The following DNAH7 variants were observed in gnomAD, a reference collection of about 807,000 sequenced individuals.
DNAH7 encodes axonemal beta dynein heavy chain 7.
In DNAH7, 397 loss-of-function variants were observed where a neutral mutation model predicts 444.6. The ratio of observed to expected loss-of-function variants is 0.89; its 90% CI spans 0.82 to 0.97. The LOEUF (loss-of-function observed/expected upper bound fraction) is 0.97, where lower values mean the gene tolerates loss of function less well. Ranked by LOEUF, DNAH7 falls within the 50% of genes least tolerant of loss-of-function variation. The probability of loss-of-function intolerance (pLI) is 0.00; values close to 1 mark genes in which losing one functional copy is unlikely to be tolerated. For synonymous variants in DNAH7, 1,636 were observed against 1,624.4 expected (o/e 1.01, Z -0.17); for missense variants, 4,902 against 4,800.8 (o/e 1.02, Z -0.62).
rs62623377 is a variant in DNAH7 at position 195,875,800 on chromosome 2, T to C, written c.6161A>G (p.Tyr2054Cys). ...TAACTCAATGGGAGGTTGAGCCCCA[T>C]ATACCTCCCGAGCAGGCATATTGAC... The part of the protein sequence containing the change: ...DDVNMPAREV[Y>C]GAQPPIELLR... The change falls in exon 38 of 65, where the codon TAT (tyrosine) becomes TGT (cysteine). Residue 2054 changes from tyrosine (Y) to cysteine (C), a missense_variant. Tyr to Cys is a radical substitution (Grantham distance 194). Coordinates refer to ENST00000312428, the MANE Select transcript of DNAH7 (RefSeq NM_018897.3). 0.023 allele frequency: 36,445 copies of C among 1,613,136 alleles called. 493 individuals carry two copies. Among genetic ancestry groups the C allele is most frequent in the Non-Finnish European group, 0.026 (30,528 of 1,179,644 alleles).
chr2:196,018,204 A>G (rs1695145376), intron 9 of DNAH7, among the ~76,000 whole-genome samples: 1 of 152,156 alleles, frequency 6.6e-6, no homozygotes, highest in Non-Finnish European at 1.5e-5. Context: ...CAGATTCCCT[A>G]GTAGTCTAGC....
chr2:195,778,640 AT>A (rs1559089683), intron 58 of DNAH7, among the ~76,000 whole-genome samples: 22,238 of 61,176 alleles, frequency 0.36, 6,892 homozygotes, highest in Non-Finnish European at 0.45. Flanking sequence ...AAATAAATAA[AT>A]AAATATATAT....
intron 63 of DNAH7, among the ~76,000 whole-genome samples, chr2:195,747,210 A>G (rs573776189): frequency 1.3e-5 from 2 of 152,254 alleles, no homozygotes; most frequent in African/African-American, 4.8e-5. Context: ...ATCAGAGAAT[A>G]CTACAAACAC....
chr2:195,926,405 C>T (rs777248713), intron 22 of DNAH7, 21 bp downstream of exon 22: 23 of 1,482,986 alleles, frequency 1.6e-5, no homozygotes, highest in Middle Eastern at 1.8e-4. Flanking sequence ...TAAAAAAACC[C>T]GAGGGTTAAT....
intron 61 of DNAH7, among the ~76,000 whole-genome samples, chr2:195,768,925 C>T (rs1489842181): frequency 1.3e-5 from 2 of 152,074 alleles, no homozygotes; most frequent in Non-Finnish European, 2.9e-5. Flanking sequence ...ATTAAAAATA[C>T]ATCTGGTTTT....
intron 19 of DNAH7, among the ~76,000 whole-genome samples, chr2:195,938,375 C>T (rs938844815): frequency 6.6e-6 from 1 of 151,498 alleles, no homozygotes; most frequent in Non-Finnish European, 1.5e-5. Context: ...CACACACACA[C>T]ACACACAAAC....
rs901808778 is a variant in DNAH7, at chr2:195,934,503, A to G, written c.3471+88T>C. The G allele has an allele frequency of 4.3e-6, 6 of 1,379,880 alleles. No homozygotes were observed. In the African/African-American group the frequency reaches 8.6e-5, roughly 20 times the overall value. The allele number at this position is 1,379,880 out of a possible 1,614,324, so 85.5% of individuals were successfully genotyped here. ...TAATTCCATGCCTCCATTTCTGTTT[A>G]AATAACAGTACATTTATCAACAGAA... On this transcript the variant is annotated intron_variant, in intron 21 of 64. Transcript: ENST00000312428.
At chr2:195,845,250 T>G in intron 46 of DNAH7, 85 bp from the exon 47 acceptor site, 1 of 1,079,892 alleles carries the variant, frequency 9.3e-7, no homozygotes. Context: ...TATACTGTAT[T>G]CATTGAGTCA....
At chr2:195,986,033 G>T (rs1408856566) in intron 14 of DNAH7, among the ~76,000 whole-genome samples, 1 of 151,990 alleles carries the variant, frequency 6.6e-6, no homozygotes, top group African/African-American at 2.4e-5. Flanking sequence ...TTCTCTTCCT[G>T]GAATTATTTT....
chr2:195,834,283 T>C lies in DNAH7; in HGVS notation c.9023A>G (p.Asn3008Ser), dbSNP rs200076679. 4.4e-5 allele frequency: 71 copies of C among 1,609,352 alleles called. No homozygotes were observed. The Admixed American group carries it at 5.5e-4, about 12-fold the overall frequency. ...ACTAAGTTTAATCACATAAAGACTA[T>C]TGGCTTTTTCCATGTTCTTGATCCA... is the stretch of plus-strand genomic sequence containing the variant. ...NKWIKNMEKA[N>S]SLYVIKLSEP... The change falls in exon 48 of 65, where the codon AAT becomes AGT. Residue 3008 changes from asparagine (N) to serine (S), a missense_variant. Transcript: ENST00000312428.
At chr2:196,042,053 CA>C in intron 5 of DNAH7, among the ~76,000 whole-genome samples, 1 of 151,760 alleles carries the variant, frequency 6.6e-6, no homozygotes, top group Non-Finnish European at 1.5e-5. Flanking sequence ...ATCAAAAAGA[CA>C]AAAAATAACA....
intron 63 of DNAH7, among the ~76,000 whole-genome samples, chr2:195,748,933 C>G (rs567160586): frequency 2.0e-3 from 308 of 152,216 alleles, no homozygotes; most frequent in African/African-American, 6.6e-3. Flanking sequence ...TGGGCAAGGA[C>G]TTCATGTCTA....
chr2:195,905,428 AGG>A (rs1293252897), intron 27 of DNAH7: 3 of 152,196 alleles, frequency 2.0e-5, no homozygotes, highest in Admixed American at 6.5e-5. Flanking sequence ...TAACATATAA[AGG>A]GGCATGAAAT....
At chr2:195,980,627 G>T (rs1212326520) in intron 15 of DNAH7, among the ~76,000 whole-genome samples, 1 of 152,076 alleles carries the variant, frequency 6.6e-6, no homozygotes, top group African/African-American at 2.4e-5. Flanking sequence ...CTAGCAAACT[G>T]AATTCAACCA....
intron 19 of DNAH7, among the ~76,000 whole-genome samples, chr2:195,947,154 A>T (rs1689868311): frequency 6.8e-6 from 1 of 147,946 alleles, no homozygotes; most frequent in African/African-American, 2.5e-5. Context: ...ATTATATATT[A>T]TTTTTATATA....
chr2:196,031,034 A>T (rs1442364730), intron 5 of DNAH7, among the ~76,000 whole-genome samples: 2 of 152,214 alleles, frequency 1.3e-5, no homozygotes, highest in Non-Finnish European at 2.9e-5. Flanking sequence ...CTGCACTGTT[A>T]TATCAGAGGT....
intron 55 of DNAH7, among the ~76,000 whole-genome samples, chr2:195,798,605 G>A (rs980877554): frequency 1.1e-4 from 15 of 141,432 alleles, no homozygotes; most frequent in Admixed American, 3.7e-4. Flanking sequence ...GTGCTATGGC[G>A]TGATCTCGGC....
chr2:195,842,233 C>T (rs1412414789), intron 47 of DNAH7, among the ~76,000 whole-genome samples: 1 of 152,070 alleles, frequency 6.6e-6, no homozygotes, highest in East Asian at 1.9e-4. Flanking sequence ...AATGTTATCA[C>T]TAATCTTTGA....
Position 195,861,726 on chromosome 2 carries a change from T to C in DNAH7, c.7727A>G (p.Lys2576Arg), listed in dbSNP as rs982330103. ...LISTFKLLLE[K>R]KRSEVMKMKK... ...GAAATTTGATTTTTACCTTCTTTTCTTTTCTAACAACAGTTTGAAGGTGGA... is the reference window on the plus strand; with the variant it reads ...GAAATTTGATTTTTACCTTCTTTTCCTTTCTAACAACAGTTTGAAGGTGGA... Residue 2576 changes from lysine to arginine, a missense_variant, in exon 42 of 65, where the codon AAG (lysine) becomes AGG (arginine). Physicochemically the swap from Lys to Arg is conservative, Grantham distance 26 (BLOSUM62 2). Coordinates refer to ENST00000312428, the MANE Select transcript of DNAH7 (RefSeq NM_018897.3). 5.0e-6 allele frequency: 8 copies of C among 1,605,954 alleles called. No individual in the cohort carries two copies. Among genetic ancestry groups the C allele is most frequent in the African/African-American group, 1.3e-5 (1 of 74,544 alleles).
Sources: gnomAD v4.1 joint callset for allele counts (sites outside exome capture counted in the v4.1 genomes callset) on GRCh38, gnomAD v4.1.1 for gene constraint, MANE v1.5 for transcripts, NCBI Gene and HGNC (gene_info 2026-07-23, HGNC 2026-07-21) for gene names.